Variants in ROS1 observed in about 807,000 individuals in gnomAD.
ROS1 encodes proto-oncogene tyrosine-protein kinase ROS.
ROS1 carries 263 observed loss-of-function variants against 273.5 expected under a neutral mutation model. That is an observed-to-expected ratio of 0.96 (90% CI 0.87 to 1.06). The LOEUF is 1.06. Among genes scored for constraint, ROS1 ranks in the 50% least tolerant of loss-of-function variants. The pLI, the probability that ROS1 is intolerant of heterozygous loss-of-function variation, is 0.00. For synonymous variants in ROS1, 1,008 were observed against 954.1 expected (o/e 1.06, Z -1.04); for missense variants, 2,833 against 2,751.1 (o/e 1.03, Z -0.67).
chr6:117,326,102 T>G (rs934647079), intron 34 of ROS1, 122 bp downstream of exon 34: 6 of 199,064 alleles, frequency 3.0e-5, no homozygotes, highest in Non-Finnish European at 4.6e-5. Flanking sequence ...TATATATATA[T>G]ATATATATAT....
chr6:117,372,995 C>T (rs1780960787), intron 18 of ROS1, among the ~76,000 whole-genome samples: 1 of 152,266 alleles, frequency 6.6e-6, no homozygotes, highest in African/African-American at 2.4e-5. Context: ...CTGCTTGGTG[C>T]GTTTACAATA....
chr6:117,421,353 T>G (rs9489162), intron 1 of ROS1, among the ~76,000 whole-genome samples: 27,014 of 151,452 alleles, frequency 0.18, 2,521 homozygotes, highest in Non-Finnish European at 0.21. Flanking sequence ...TAGTGCACCT[T>G]TCACCCAAGT....
chr6:117,310,913 A>T, intron 40 of ROS1, 107 bp downstream of exon 40: 1 of 619,888 alleles, frequency 1.6e-6, no homozygotes, highest in Non-Finnish European at 2.8e-6. Flanking sequence ...AATTATTGCT[A>T]GTTTGAAGGA....
rs1562292154 is a variant in ROS1 at position 117,342,437 on chromosome 6, T to G, written c.4614A>C (p.Pro1538=). ...NYYSDPLEHL[P]PGKEIWGKTK... is the part of the protein sequence containing the mutation. ...TTTTTCCCCAAATCTCTTTTCCTGGTGGTAAATGTTCCAAAGGATCTGAAT... is the reference window on the plus strand; with the variant it reads ...TTTTTCCCCAAATCTCTTTTCCTGGGGGTAAATGTTCCAAAGGATCTGAAT... The change falls in exon 29 of 44, where the codon CCA becomes CCC. Residue 1538 remains proline, a synonymous_variant. Transcript: ENST00000368507. 3 of 1,611,820 alleles carry G rather than the reference T, an allele frequency of 1.9e-6. No homozygotes were observed. The highest frequency in any genetic ancestry group is 1.7e-5 in the Admixed American group (1 of 59,714).
chr6:117,379,433 T>C (rs1771933387), intron 17 of ROS1, among the ~76,000 whole-genome samples: 1 of 152,162 alleles, frequency 6.6e-6, no homozygotes, highest in Non-Finnish European at 1.5e-5. Flanking sequence ...AAAGTATGAT[T>C]CTCAGACCTG....
At chr6:117,387,728 G>C in intron 14 of ROS1, 52 bp downstream of exon 14, 1 of 1,572,358 alleles carries the variant, frequency 6.4e-7, no homozygotes, top group Non-Finnish European at 8.6e-7. Context: ...AGGGCACTCA[G>C]CTAGTCCTCT....
chr6:117,296,844 GT>G (rs1412844704), intron 43 of ROS1, among the ~76,000 whole-genome samples: 1 of 152,032 alleles, frequency 6.6e-6, no homozygotes, highest in Non-Finnish European at 1.5e-5. Flanking sequence ...TGCTTGAGGG[GT>G]GGATACTCCA....
At chr6:117,362,483 C>A in intron 22 of ROS1, 120 bp downstream of exon 22, 2 of 843,358 alleles carry the variant, frequency 2.4e-6, no homozygotes, top group Non-Finnish European at 3.5e-6. Context: ...ACTATAGTGG[C>A]CAATCAAAAT....
intron 27 of ROS1, among the ~76,000 whole-genome samples, chr6:117,351,758 G>T (rs539611901): frequency 1.3e-5 from 2 of 152,140 alleles, no homozygotes; most frequent in African/African-American, 4.8e-5. Context: ...TTTTCAGTTT[G>T]CTCAGACTTT....
At chr6:117,309,399 C>T (rs1447839304) in intron 41 of ROS1, among the ~76,000 whole-genome samples, 1 of 152,170 alleles carries the variant, frequency 6.6e-6, no homozygotes, top group African/African-American at 2.4e-5. Flanking sequence ...CATTGACATG[C>T]AGACACACCA....
intron 42 of ROS1, among the ~76,000 whole-genome samples, chr6:117,302,386 T>C (rs969249691): frequency 6.6e-6 from 1 of 152,146 alleles, no homozygotes; most frequent in Non-Finnish European, 1.5e-5. Context: ...TGGTGAAGAA[T>C]CCTTTGAACC....
chr6:117,343,808 C>A (rs1237946225), intron 28 of ROS1, among the ~76,000 whole-genome samples: 6 of 152,148 alleles, frequency 3.9e-5, no homozygotes, highest in Non-Finnish European at 8.8e-5. Flanking sequence ...AAACCCAATT[C>A]TTTCTGGACA....
At chr6:117,319,579 A>C (rs1242750429) in intron 37 of ROS1, among the ~76,000 whole-genome samples, 1 of 151,966 alleles carries the variant, frequency 6.6e-6, no homozygotes, top group Non-Finnish European at 1.5e-5. Flanking sequence ...GTGTTTCACA[A>C]CTCCAGTTCT....
chr6:117,312,946 C>T (rs527541293), intron 39 of ROS1, among the ~76,000 whole-genome samples: 2 of 152,236 alleles, frequency 1.3e-5, no homozygotes, highest in East Asian at 3.9e-4. Context: ...ATGAAGCCCT[C>T]TCAGGTTTCC....
intron 1 of ROS1, among the ~76,000 whole-genome samples, chr6:117,423,889 C>T (rs1237127130): frequency 6.6e-6 from 1 of 152,178 alleles, no homozygotes. Flanking sequence ...TTTTGTCCCT[C>T]CAGGCCCTAT....
chr6:117,407,060 C>T (rs950596677), intron 5 of ROS1, among the ~76,000 whole-genome samples: 14 of 117,338 alleles, frequency 1.2e-4, no homozygotes, highest in South Asian at 6.9e-4. Context: ...AGCTAATTCC[C>T]GTGACACAGA....
At chr6:117,318,331 G>T in intron 37 of ROS1, 79 bp from the exon 38 acceptor site, 1 of 1,035,056 alleles carries the variant, frequency 9.7e-7, no homozygotes, top group Non-Finnish European at 1.5e-6. Flanking sequence ...AGATTGTTCT[G>T]TTTGTTCTGT....
chr6:117,367,621 G>T (rs1780377690), intron 18 of ROS1, among the ~76,000 whole-genome samples: 1 of 152,138 alleles, frequency 6.6e-6, no homozygotes, highest in Non-Finnish European at 1.5e-5. Context: ...GGGAATTAAT[G>T]AATTTGCAAT....
intron 4 of ROS1, among the ~76,000 whole-genome samples, chr6:117,411,060 T>C (rs2128737201): frequency 6.6e-6 from 1 of 152,238 alleles, no homozygotes; most frequent in South Asian, 2.1e-4. Flanking sequence ...GAAATACAGA[T>C]TATTTTGAAA....
Sources: allele counts gnomAD v4.1 joint callset (sites outside exome capture counted in the v4.1 genomes callset), GRCh38; gene constraint gnomAD v4.1.1; transcripts MANE v1.5; gene names NCBI Gene and HGNC (gene_info 2026-07-23, HGNC 2026-07-21).